CEP83: variants seen among roughly 807,000 people sequenced by gnomAD.
CEP83 encodes the protein centrosomal protein of 83 kDa.
Under a neutral mutation model 101.9 loss-of-function variants are expected in CEP83, and 70 were observed. The ratio of observed to expected loss-of-function variants is 0.69; its 90% CI spans 0.57 to 0.84. CEP83 has a LOEUF of 0.84. CEP83 is among the 40% of genes least tolerant of loss of function. The pLI, the probability that CEP83 is intolerant of heterozygous loss-of-function variation, is 0.00. For synonymous variants in CEP83, 264 were observed against 267.9 expected, an observed-to-expected ratio of 0.99 and a Z score of 0.14; for missense variants, 715 against 787.2, an observed-to-expected ratio of 0.91 and a Z score of 1.10.
At chr12:94,458,737 T>A (rs1382071358) in intron 1 of CEP83, among the ~76,000 whole-genome samples, 1 of 152,050 alleles carries the variant, frequency 6.6e-6, no homozygotes, top group African/African-American at 2.4e-5. Flanking sequence ...GACTCAGTCA[T>A]AAATAAATAA....
intron 2 of CEP83, among the ~76,000 whole-genome samples, chr12:94,429,154 T>C (rs2138147428): frequency 6.6e-6 from 1 of 151,960 alleles, no homozygotes; most frequent in South Asian, 2.1e-4. Flanking sequence ...AACAAAGAGG[T>C]GACAGGAAAC....
At chr12:94,450,809 C>A (rs2067195429) in intron 1 of CEP83, among the ~76,000 whole-genome samples, 1 of 152,148 alleles carries the variant, frequency 6.6e-6, no homozygotes, top group Non-Finnish European at 1.5e-5. Flanking sequence ...AGATTCAATG[C>A]AAATCCTACA....
At chr12:94,356,080 G>A (rs903477493) in intron 11 of CEP83, among the ~76,000 whole-genome samples, 3 of 152,264 alleles carry the variant, frequency 2.0e-5, no homozygotes, top group East Asian at 1.9e-4. Context: ...GGCAAGTGGC[G>A]CCCATTCATG....
At chr12:94,328,868 A>C (rs1488006210) in intron 14 of CEP83, among the ~76,000 whole-genome samples, 1 of 152,236 alleles carries the variant, frequency 6.6e-6, no homozygotes, top group Non-Finnish European at 1.5e-5. Context: ...TTACTAGTTA[A>C]GTAATCTTGG....
intron 6 of CEP83, among the ~76,000 whole-genome samples, chr12:94,399,282 T>A (rs1179039465): frequency 6.6e-6 from 1 of 152,180 alleles, no homozygotes; most frequent in Non-Finnish European, 1.5e-5. Flanking sequence ...AGCTGTAAAA[T>A]TCCTCTCTTT....
chr12:94,440,547 C>T (rs2138364370), intron 1 of CEP83, among the ~76,000 whole-genome samples: 1 of 151,288 alleles, frequency 6.6e-6, no homozygotes, highest in African/African-American at 2.4e-5. Flanking sequence ...TCACAGATGA[C>T]ACAAATGGAA....
At chr12:94,424,645 T>C in intron 2 of CEP83, 1 of 1,613,756 alleles carries the variant, frequency 6.2e-7, no homozygotes, top group South Asian at 1.1e-5. Flanking sequence ...TCTGTGCTGC[T>C]GAAGGGCTGT....
intron 8 of CEP83, 91 bp from the exon 9 acceptor site, chr12:94,370,127 C>T (rs759605273): frequency 2.7e-6 from 2 of 730,704 alleles, no homozygotes; most frequent in Non-Finnish European, 4.8e-6. Context: ...AGAAAACGCT[C>T]TGGTAGTAAA....
intron 1 of CEP83, among the ~76,000 whole-genome samples, chr12:94,448,949 T>A: frequency 1.4e-5 from 2 of 145,486 alleles, no homozygotes; most frequent in East Asian, 2.0e-4. Flanking sequence ...TGGAAATCAG[T>A]GAAATAGAAA....
Position 94,309,961 on chromosome 12 carries a change from G to A in CEP83, c.1958C>T (p.Ala653Val), listed in dbSNP as rs779350378. Residue 653 changes from alanine (A) to valine (V), a missense_variant, in exon 16 of 17, where the codon GCC becomes GTC. Coordinates refer to ENST00000397809, the MANE Select transcript of CEP83 (RefSeq NM_016122.3). ...SINPVSFQSS[A>V]MVPSMELPFP... ...TGGTAGTTCCATGCTTGGAACCATG[G>A]CTGATGACTGAAAGCTAACAGGATT... 6.2e-6 allele frequency: 10 copies of A among 1,610,886 alleles called. No homozygotes were observed. Among genetic ancestry groups the A allele is most frequent in the Non-Finnish European group, 8.5e-6 (10 of 1,178,216 alleles).
chr12:94,392,951 C>T (rs2062648083), intron 6 of CEP83, among the ~76,000 whole-genome samples: 1 of 152,002 alleles, frequency 6.6e-6, no homozygotes, highest in South Asian at 2.1e-4. Flanking sequence ...CTGAATAGAC[C>T]AATAACAGGT....
At chr12:94,302,844 A>T (rs771457753), downstream of CEP83, among the ~76,000 whole-genome samples, 10 of 152,212 alleles carry the variant, frequency 6.6e-5, no homozygotes, top group Non-Finnish European at 1.3e-4. Flanking sequence ...ACTAGTCTTT[A>T]TCATTGTACT....
At chr12:94,324,844 A>G (rs1015212800) in intron 14 of CEP83, among the ~76,000 whole-genome samples, 8 of 152,190 alleles carry the variant, frequency 5.3e-5, no homozygotes, top group African/African-American at 1.9e-4. Context: ...TTCTTCAAAA[A>G]TGTAATTCAG....
At chr12:94,406,786 G>A (rs924107195) in intron 4 of CEP83, among the ~76,000 whole-genome samples, 1 of 151,822 alleles carries the variant, frequency 6.6e-6, no homozygotes, top group African/African-American at 2.4e-5. Flanking sequence ...AATTAACCAG[G>A]CGTGGTGGCG....
chr12:94,298,841 G>C, the CEP83 span: 3 of 1,531,710 alleles, frequency 2.0e-6, no homozygotes, highest in Non-Finnish European at 2.7e-6. Flanking sequence ...ATCTGGGACA[G>C]AATATTAACT....
intron 11 of CEP83, among the ~76,000 whole-genome samples, chr12:94,352,203 G>A (rs891559553): frequency 3.1e-4 from 47 of 152,192 alleles, no homozygotes; most frequent in African/African-American, 7.2e-4. Flanking sequence ...GGCAGATCAC[G>A]AGGTCAGGAG....
downstream of CEP83, chr12:94,307,155 T>A (rs1345755898): frequency 1.3e-5 from 2 of 152,204 alleles, no homozygotes; most frequent in Non-Finnish European, 2.9e-5. Context: ...GGCACATGAG[T>A]CCTGTGTGGA....
chr12:94,358,664 C>G (rs902566325), intron 11 of CEP83, among the ~76,000 whole-genome samples: 1 of 152,218 alleles, frequency 6.6e-6, no homozygotes, highest in Non-Finnish European at 1.5e-5. Context: ...TTAAGAGCCA[C>G]CAATTCAGTT....
downstream of CEP83, chr12:94,307,605 T>C (rs945452122): frequency 6.6e-6 from 1 of 152,180 alleles, no homozygotes; most frequent in Non-Finnish European, 1.5e-5. Context: ...GTATACCTGA[T>C]TGAAGCTGTT....
Sources: gnomAD v4.1 joint callset for allele counts (sites outside exome capture counted in the v4.1 genomes callset) on GRCh38, gnomAD v4.1.1 for gene constraint, MANE v1.5 for transcripts, NCBI Gene and HGNC (gene_info 2026-07-23, HGNC 2026-07-21) for gene names.